Variants in PAICS observed in about 807,000 individuals in gnomAD.
PAICS encodes the protein phosphoribosylaminoimidazole carboxylase and phosphoribosylaminoimidazolesuccinocarboxamide synthase, also known as bifunctional phosphoribosylaminoimidazole carboxylase/phosphoribosylaminoimidazole succinocarboxamide synthetase.
A neutral mutation model predicts 53.7 loss-of-function variants in PAICS; 33 were observed. The observed-to-expected ratio is 0.61, with a 90% CI of 0.47 to 0.82. The LOEUF (loss-of-function observed/expected upper bound fraction) is 0.82, where lower values mean the gene tolerates loss of function less well. Ranked by LOEUF, PAICS falls within the 40% of genes least tolerant of loss-of-function variation. The pLI is 0.00. For synonymous variants in PAICS, 141 were observed against 167.2 expected (o/e 0.84, Z 1.21); for missense variants, 394 against 494.1 (o/e 0.80, Z 1.92).
At chr4:56,430,094 C>T in the PAICS span, among the ~76,000 whole-genome samples, 1 of 152,142 alleles carries the variant, frequency 6.6e-6, no homozygotes, top group Non-Finnish European at 1.5e-5. Flanking sequence ...AACCCCCCAT[C>T]TCAATATTTA....
At chr4:56,436,038 G>A, upstream of PAICS, 2 of 1,519,702 alleles carry the variant, frequency 1.3e-6, no homozygotes, top group Non-Finnish European at 1.8e-6. Context: ...GCCTGTCCGG[G>A]CACTGCGCCA....
the PAICS span, among the ~76,000 whole-genome samples, chr4:56,425,143 T>C: frequency 6.6e-6 from 1 of 152,216 alleles, no homozygotes; most frequent in Non-Finnish European, 1.5e-5. Context: ...GAATCTACTG[T>C]TACCATCTCA....
At position 56,459,367 on chromosome 4, in the gene PAICS, A is replaced by T; in HGVS notation, c.1112-5A>T. ...TTTTCTGTCTTTTCCTTGCTGAACC[A>T]ATAGGTCTTGGCTGTTCAACCGTAC... On this transcript the variant is annotated splice_region_variant and splice_polypyrimidine_tract_variant and intron_variant, in intron 8 of 8. Coordinates refer to ENST00000512576, the MANE Select transcript of PAICS (RefSeq NM_001079524.2). 6.5e-7 allele frequency: 1 copy of T among 1,533,174 alleles called. No individual in the cohort carries two copies. Among genetic ancestry groups the T allele is most frequent in the Non-Finnish European group, 8.8e-7 (1 of 1,133,836 alleles). 95.0% of individuals were successfully genotyped at this position (1,533,174 alleles called of 1,614,324 possible).
upstream of PAICS, chr4:56,436,008 G>C (rs1334372252): frequency 1.3e-6 from 2 of 1,516,626 alleles, no homozygotes; most frequent in African/African-American, 2.7e-5. Flanking sequence ...GGGAGGGGCC[G>C]CCAGTGCGCG....
chr4:56,437,801 C>CAG (rs34111955), intron 1 of PAICS, among the ~76,000 whole-genome samples: 8,995 of 108,828 alleles, frequency 0.083, 484 homozygotes, highest in East Asian at 0.29. Flanking sequence ...AGCCTGGCGA[C>CAG]AGAGAGAGAC....
At chr4:56,433,629 AC>A (rs1717723638), upstream of PAICS, among the ~76,000 whole-genome samples, 1 of 152,054 alleles carries the variant, frequency 6.6e-6, no homozygotes. Context: ...TTTTCTACAG[AC>A]CACCAGGCAA....
At chr4:56,438,735 A>G (rs1426265546) in intron 1 of PAICS, among the ~76,000 whole-genome samples, 1 of 151,996 alleles carries the variant, frequency 6.6e-6, no homozygotes, top group Non-Finnish European at 1.5e-5. Context: ...CCATTTTAAT[A>G]TATTTTATTT....
At chr4:56,453,085 T>C (rs2110094946) in intron 7 of PAICS, among the ~76,000 whole-genome samples, 1 of 152,304 alleles carries the variant, frequency 6.6e-6, no homozygotes, top group South Asian at 2.1e-4. Context: ...AAAGAATGAA[T>C]TGCTTAAGAG....
chr4:56,414,440 T>C, the PAICS span: 1 of 152,232 alleles, frequency 6.6e-6, no homozygotes. Context: ...ATCCTCAGCC[T>C]CAGAATTCCT....
chr4:56,439,488 C>T (rs566465944), intron 1 of PAICS, among the ~76,000 whole-genome samples: 2 of 152,246 alleles, frequency 1.3e-5, no homozygotes, highest in African/African-American at 4.8e-5. Flanking sequence ...CCGCCCGCCT[C>T]GGCCTCCCAA....
At chr4:56,433,639 A>AT, upstream of PAICS, among the ~76,000 whole-genome samples, 1 of 152,172 alleles carries the variant, frequency 6.6e-6, no homozygotes, top group African/African-American at 2.4e-5. Flanking sequence ...ACCACCAGGC[A>AT]ACCCTAAAGA....
chr4:56,431,499 C>A, upstream of PAICS: 1 of 979,932 alleles, frequency 1.0e-6, no homozygotes, highest in Non-Finnish European at 1.2e-6. Flanking sequence ...ATAACAGAAC[C>A]AAAAGATTCT....
the PAICS span, among the ~76,000 whole-genome samples, chr4:56,419,392 G>A: frequency 6.6e-6 from 1 of 152,032 alleles, no homozygotes; most frequent in South Asian, 2.1e-4. Flanking sequence ...ATCAAAATAT[G>A]ACTAAAAAAA....
chr4:56,446,412 A>G, intron 2 of PAICS: 1 of 717,742 alleles, frequency 1.4e-6, no homozygotes. Context: ...TGTGTTTTTC[A>G]TTTAGCCTAG....
At chr4:56,435,022 G>C (rs1717820054), upstream of PAICS, among the ~76,000 whole-genome samples, 1 of 152,190 alleles carries the variant, frequency 6.6e-6, no homozygotes, top group East Asian at 1.9e-4. Flanking sequence ...CAGTCGGGGA[G>C]GAGCCCTGAC....
At chr4:56,448,051 AGGCTAGAGTGCAGT>A (rs1718705897) in intron 3 of PAICS, among the ~76,000 whole-genome samples, 1 of 117,018 alleles carries the variant, frequency 8.5e-6, no homozygotes, top group Non-Finnish European at 1.7e-5. Flanking sequence ...TCTGTTGCTT[AGGCTAGAGTGCAGT>A]GGCGCTCTCT....
rs1015873524 is a variant in PAICS at position 56,448,790 on chromosome 4, A to G, written c.654A>G (p.Pro218=). The G allele has an allele frequency of 7.5e-6, 12 of 1,591,580 alleles. No homozygotes were observed. The highest frequency in any genetic ancestry group is 1.0e-5 in the Non-Finnish European group (12 of 1,166,176). Residue 218 remains proline (P), a synonymous_variant, in exon 5 of 9, where the codon CCA becomes CCG. Coordinates refer to ENST00000512576, the MANE Select transcript of PAICS (RefSeq NM_001079524.2). ...ACAATGATTCCTGGAGACTCTGGCC[A>G]TCAGGAGATCGAAGCCAACAGAAAG... ...VIDNDSWRLW[P]SGDRSQQKDK...
At chr4:56,412,094 A>T in the PAICS span, among the ~76,000 whole-genome samples, 1 of 152,168 alleles carries the variant, frequency 6.6e-6, no homozygotes, top group Non-Finnish European at 1.5e-5. Flanking sequence ...AGCTTCTGAA[A>T]GTCCCCGATT....
chr4:56,416,019 G>A, the PAICS span, among the ~76,000 whole-genome samples: 1 of 151,014 alleles, frequency 6.6e-6, no homozygotes, highest in African/African-American at 2.4e-5. Context: ...GCAGTGAGCC[G>A]AGATCACACC....
Sources: gnomAD v4.1 joint callset for allele counts (sites outside exome capture counted in the v4.1 genomes callset) on GRCh38, gnomAD v4.1.1 for gene constraint, MANE v1.5 for transcripts, NCBI Gene and HGNC (gene_info 2026-07-23, HGNC 2026-07-21) for gene names.